WDR27: variants seen among roughly 807,000 people sequenced by gnomAD.
The protein encoded by WDR27 is WD repeat-containing protein 27.
A neutral mutation model predicts 114.4 loss-of-function variants in WDR27; 100 were observed. The ratio of observed to expected loss-of-function variants is 0.87; its 90% CI spans 0.74 to 1.03. The LOEUF is 1.03. WDR27 is among the 50% of genes least tolerant of loss of function. WDR27 has a pLI of 0.00. For synonymous variants in WDR27, 449 were observed against 423.1 expected (o/e 1.06, Z -0.75); for missense variants, 1,129 against 1,092.9 (o/e 1.03, Z -0.47).
chr6:169,692,781 T>C (rs1237496174), intron 1 of WDR27, among the ~76,000 whole-genome samples: 11 of 152,150 alleles, frequency 7.2e-5, no homozygotes, highest in Non-Finnish European at 2.9e-5. Context: ...CAGCAAGCCC[T>C]GCCCAGGGAG....
At chr6:169,543,598 G>A (rs1797089049) in intron 25 of WDR27, among the ~76,000 whole-genome samples, 1 of 152,084 alleles carries the variant, frequency 6.6e-6, no homozygotes, top group South Asian at 2.1e-4. Context: ...AATTTGGTGA[G>A]ATGAATGGCA....
At chr6:169,624,311 G>A (rs1814221450) in intron 21 of WDR27, among the ~76,000 whole-genome samples, 1 of 152,172 alleles carries the variant, frequency 6.6e-6, no homozygotes, top group African/African-American at 2.4e-5. Context: ...GGCATCAGGT[G>A]TGCGGCGTGT....
intron 2 of WDR27, among the ~76,000 whole-genome samples, chr6:169,686,840 A>C (rs1783100420): frequency 6.6e-6 from 1 of 152,218 alleles, no homozygotes; most frequent in South Asian, 2.1e-4. Context: ...CATTTGCAGC[A>C]ACATGGATGG....
intron 6 of WDR27, among the ~76,000 whole-genome samples, chr6:169,666,053 A>G (rs999797902): frequency 6.6e-6 from 1 of 152,352 alleles, no homozygotes; most frequent in African/African-American, 2.4e-5. Context: ...CTAGGATGTC[A>G]TTTCATTTAA....
chr6:169,522,825 G>T (rs75808188), intron 25 of WDR27, among the ~76,000 whole-genome samples: 1 of 150,604 alleles, frequency 6.6e-6, no homozygotes, highest in Non-Finnish European at 1.5e-5. Flanking sequence ...TAAGAGGGAA[G>T]TTTATAGGAA....
chr6:169,667,944 G>C, intron 5 of WDR27, 38 bp downstream of exon 5: 1 of 1,570,044 alleles, frequency 6.4e-7, no homozygotes, highest in Non-Finnish European at 8.6e-7. Context: ...TCCACAGCAC[G>C]TGCCACGCGG....
In WDR27 at chr6:169,647,768, C is replaced by A; in HGVS notation, c.1657+5G>T. 6.4e-7 allele frequency: 1 copy of A among 1,571,124 alleles called. No homozygotes were observed. The highest frequency in any genetic ancestry group is 8.6e-7 in the Non-Finnish European group (1 of 1,157,938). ...GCTACCCAGCTCCCGCAGGACGTGG[C>A]GCACCTGAGTACTGGATGCAGCATA... On this transcript the variant is annotated splice_donor_5th_base_variant and intron_variant, in intron 16 of 25. Transcript: ENST00000448612.
intron 23 of WDR27, among the ~76,000 whole-genome samples, chr6:169,588,962 A>T (rs1562642297): frequency 6.6e-6 from 1 of 152,112 alleles, no homozygotes; most frequent in Admixed American, 6.5e-5. Flanking sequence ...TTCCAAACTG[A>T]TTTTTCTGAC....
At chr6:169,544,301 G>A (rs974458594) in intron 25 of WDR27, among the ~76,000 whole-genome samples, 3 of 151,720 alleles carry the variant, frequency 2.0e-5, no homozygotes, top group African/African-American at 7.3e-5. Flanking sequence ...ATTTGCAGAT[G>A]ACATGCTTAT....
intron 24 of WDR27, among the ~76,000 whole-genome samples, chr6:169,574,347 C>CT (rs1464051862): frequency 6.6e-6 from 1 of 152,130 alleles, no homozygotes; most frequent in African/African-American, 2.4e-5. Context: ...AAAAACATTA[C>CT]TTTTTTTTAA....
intron 25 of WDR27, among the ~76,000 whole-genome samples, chr6:169,490,640 A>G (rs1789633741): frequency 6.6e-6 from 1 of 152,236 alleles, no homozygotes; most frequent in South Asian, 2.1e-4. Flanking sequence ...CTATCAGCAC[A>G]AGAGAAATGA....
chr6:169,658,934 G>A (rs537523421), intron 12 of WDR27, among the ~76,000 whole-genome samples, 152 bp downstream of exon 12: 115 of 152,178 alleles, frequency 7.6e-4, no homozygotes, highest in Admixed American at 2.6e-3. Flanking sequence ...TGATCCACCC[G>A]CCTCGGCCTC....
chr6:169,630,540 A>G (rs1816070549), intron 21 of WDR27, among the ~76,000 whole-genome samples: 1 of 152,244 alleles, frequency 6.6e-6, no homozygotes, highest in Admixed American at 6.5e-5. Context: ...ACATCCAAAT[A>G]TTAGCTATCA....
intron 25 of WDR27, among the ~76,000 whole-genome samples, chr6:169,542,897 C>T (rs998967558): frequency 6.6e-6 from 1 of 151,994 alleles, no homozygotes; most frequent in Admixed American, 6.6e-5. Context: ...TAATTCATTA[C>T]ATGAAAATAT....
chr6:169,478,369 G>A (rs1378851539), intron 25 of WDR27, among the ~76,000 whole-genome samples: 2 of 152,106 alleles, frequency 1.3e-5, no homozygotes, highest in African/African-American at 4.8e-5. Context: ...AAGAAATTAT[G>A]TCAAAAATTC....
the WDR27 span, among the ~76,000 whole-genome samples, chr6:169,441,353 C>A: frequency 6.6e-6 from 1 of 151,978 alleles, no homozygotes; most frequent in Non-Finnish European, 1.5e-5. Flanking sequence ...AGAAAAAGAT[C>A]TTGATCAAAA....
intron 4 of WDR27, 112 bp downstream of exon 4, chr6:169,670,457 T>TA (rs200276045): frequency 9.3e-4 from 1,140 of 1,225,060 alleles, no homozygotes; most frequent in South Asian, 1.3e-3. Flanking sequence ...AGATATAGCT[T>TA]AAAAAAAAAG....
At chr6:169,525,251 T>C (rs1794811460) in intron 25 of WDR27, among the ~76,000 whole-genome samples, 1 of 152,118 alleles carries the variant, frequency 6.6e-6, no homozygotes, top group Non-Finnish European at 1.5e-5. Context: ...AAAATGCTTT[T>C]ATCGGCCAGG....
Position 169,602,286 on chromosome 6 carries a change from C to T in WDR27, c.2357G>A (p.Gly786Asp). 1 of 1,565,094 alleles carries T rather than the reference C, an allele frequency of 6.4e-7. No homozygotes were observed. The change falls in exon 23 of 26, where the codon GGC becomes GAC. Residue 786 changes from glycine (G) to aspartate (D), a missense_variant. Transcript: ENST00000448612. Reference sequence around the variant, plus strand: ...ACTGAAAGCGATTCCACATGGATAGCCGCGGGTTGGATGCCCTTCAAAGTG... The same window carrying T: ...ACTGAAAGCGATTCCACATGGATAGTCGCGGGTTGGATGCCCTTCAAAGTG... ...ERHFEGHPTR[G>D]YPCGIAFSPC...
Sources: allele counts gnomAD v4.1 joint callset (sites outside exome capture counted in the v4.1 genomes callset), GRCh38; gene constraint gnomAD v4.1.1; transcripts MANE v1.5; gene names NCBI Gene and HGNC (gene_info 2026-07-23, HGNC 2026-07-21).